Variants in MAGED2 observed in about 807,000 individuals in gnomAD.
MAGED2 encodes MAGE family member D2, also known as melanoma-associated antigen D2.
Under a neutral mutation model 41.7 loss-of-function variants are expected in MAGED2, and 6 were observed. The ratio of observed to expected loss-of-function variants is 0.14; its 90% confidence interval spans 0.08 to 0.28. MAGED2 has a LOEUF of 0.28. MAGED2 is among the 10% of genes least tolerant of loss of function. MAGED2 has a pLI of 1.00. For synonymous variants in MAGED2, 146 were observed against 178.2 expected, an observed-to-expected ratio of 0.82 and a Z score of 1.44; for missense variants, 343 against 486.4, an observed-to-expected ratio of 0.71 and a Z score of 2.77.
chrX:54,813,634 C>A, intron 10 of MAGED2, 84 bp downstream of exon 10: 1 of 790,590 alleles, frequency 1.3e-6, no homozygotes, highest in Non-Finnish European at 1.9e-6. Flanking sequence ...TGCATGGATG[C>A]ATGTGTCTAT....
At position 54,815,406 on chromosome X, in the gene MAGED2, C is replaced by T. The variant is rs149849605; in HGVS notation, c.1545C>T (p.Pro515=). ...TCGGCTCGGAGAATGCTGCCGGGCC[C>T]TGCAACTGGGACGAAGCTGATATCG... ...IGLGSENAAG[P]CNWDEADIGP... Residue 515 remains proline, a synonymous_variant, in exon 12 of 13, where the codon CCC becomes CCT. Coordinates refer to ENST00000375068, the MANE Select transcript of MAGED2 (RefSeq NM_177433.3). 1.1e-5 allele frequency: 13 copies of T among 1,208,632 alleles called. No individual in the cohort carries two copies. In the African/African-American group the frequency reaches 2.1e-4, roughly 19 times the overall value.
rs762234374 is a variant in MAGED2, at chrX:54,812,356, CAG to C, written c.1085+106_1085+107del. On this transcript the variant is annotated intron_variant, in intron 7 of 12. Transcript: ENST00000375068. ...CATCCTCTTAGAGAGTCAGGAAAGA[CAG>C]GGTCTCAAAAGCCCCGTCCCAGTTC... 8.1e-5 allele frequency: 40 copies of C among 493,480 alleles called. No homozygotes were observed. The African/African-American group carries it at 8.7e-4, about 11-fold the overall frequency. 40.7% of individuals were successfully genotyped at this position (493,480 alleles called of 1,213,427 possible).
Position 54,809,722 on chromosome X carries a change from G to T in MAGED2, c.46G>T (p.Ala16Ser). 1 of 1,195,512 alleles carries T rather than the reference G, an allele frequency of 8.4e-7. No homozygotes were observed. The highest frequency in any genetic ancestry group is 1.8e-5 in the South Asian group (1 of 55,331). Residue 16 changes from alanine to serine, a missense_variant and splice_region_variant, in exon 3 of 13, where the codon GCT becomes TCT. Around this residue, in one of 3 missense-constraint regions of MAGED2, gnomAD observed 195 missense variants for 221.2 expected, o/e 0.88. Transcript: ENST00000375068. ...ESGAGLTRFQ[A>S]EASEKDSSSM... Reference sequence around the variant, plus strand: ...TGAACTTCCCTGCTTCCTCTTGCAGGCTGAAGCTTCAGAAAAGGACAGTAG... The same window carrying T: ...TGAACTTCCCTGCTTCCTCTTGCAGTCTGAAGCTTCAGAAAAGGACAGTAG...
At chrX:54,813,635 A>G (rs752499513) in intron 10 of MAGED2, 85 bp downstream of exon 10, 9 of 743,627 alleles carry the variant, frequency 1.2e-5, no homozygotes, top group African/African-American at 2.1e-5. Flanking sequence ...GCATGGATGC[A>G]TGTGTCTATG....
At chrX:54,812,335 C>T (rs1280887320) in intron 7 of MAGED2, 84 bp downstream of exon 7, 7 of 565,406 alleles carry the variant, frequency 1.2e-5, no homozygotes, top group Non-Finnish European at 2.0e-5. Flanking sequence ...TTCCCCCATC[C>T]TCTTAGAGAG....
intron 3 of MAGED2, 84 bp from the exon 4 acceptor site, chrX:54,810,737 C>T (rs1244583143): frequency 8.6e-5 from 70 of 815,113 alleles, no homozygotes; most frequent in Non-Finnish European, 1.1e-4. Context: ...GTGGGATTAG[C>T]GGGTGCTTCC....
intron 10 of MAGED2, among the ~76,000 whole-genome samples, chrX:54,813,767 C>G (rs1483358658): frequency 1.8e-5 from 2 of 111,992 alleles, no homozygotes; most frequent in African/African-American, 6.5e-5. Context: ...GTCTTGAGAC[C>G]AGTTCTGCAA....
At position 54,809,325 on chromosome X, in the gene MAGED2, T is replaced by C. The variant is rs765553866; in HGVS notation, c.-7T>C. The C allele has an allele frequency of 5.8e-6, 7 of 1,209,134 alleles. No homozygotes were observed. Among genetic ancestry groups the C allele is most frequent in the Non-Finnish European group, 7.8e-6 (7 of 894,726 alleles). On this transcript the variant is annotated 5_prime_UTR_variant, in exon 2 of 13. Coordinates refer to ENST00000375068, the MANE Select transcript of MAGED2 (RefSeq NM_177433.3). ...CAGGCTCAGCTCTTGCCAGGCCAAA[T>C]TGAGACATGTCTGACACAAGCGAGA... is the stretch of plus-strand genomic sequence containing the variant.
chrX:54,810,274 T>C, intron 3 of MAGED2, 61 bp downstream of exon 3: 3 of 733,105 alleles, frequency 4.1e-6, no homozygotes, highest in South Asian at 3.0e-5. Flanking sequence ...ATTCATTTGT[T>C]CTACAAACAT....
chrX:54,812,068 A>G (rs1002669895), intron 6 of MAGED2, 89 bp from the exon 7 acceptor site: 3 of 542,130 alleles, frequency 5.5e-6, no homozygotes, highest in African/African-American at 2.3e-5. Context: ...GATTTCTCAC[A>G]CATGCGAAAC....
intron 6 of MAGED2, 148 bp downstream of exon 6, chrX:54,811,801 A>G: frequency 4.2e-6 from 2 of 476,468 alleles, no homozygotes; most frequent in Non-Finnish European, 7.4e-6. Flanking sequence ...GGAGGGGTGT[A>G]GATTAGCGAT....
In MAGED2 at chrX:54,815,642, C is replaced by T; in HGVS notation, c.1781C>T (p.Thr594Ile). 1 of 1,166,065 alleles carries T rather than the reference C, an allele frequency of 8.6e-7. No individual in the cohort carries two copies. Among genetic ancestry groups the T allele is most frequent in the African/African-American group, 1.8e-5 (1 of 56,297 alleles). ...GGCCTTGGTGGAGCTGGTGCCAGCA[C>T]CAGTGGCAGCTCTGGTGCCTGTGGT... ...FAGLGGAGASTSGSSGACGFS... is the reference protein window; with the variant it reads ...FAGLGGAGASISGSSGACGFS... The change falls in exon 12 of 13, where the codon ACC (threonine) becomes ATC (isoleucine). Residue 594 changes from threonine to isoleucine, a missense_variant. Transcript: ENST00000375068.
Position 54,811,095 on chromosome X carries a change from C to T in MAGED2, c.812C>T (p.Pro271Leu), listed in dbSNP as rs1440107209. Residue 271 changes from proline to leucine, a missense_variant, in exon 4 of 13, where the codon CCA (proline) becomes CTA (leucine). Pro to Leu is a moderately conservative substitution (Grantham distance 98). Transcript: ENST00000375068. The part of the protein sequence containing the change: ...KLQSSQEPEA[P>L]PPRDVALLQG... Reference sequence around the variant, plus strand: ...CAGTCATCCCAAGAGCCTGAAGCACCACCACCTCGGGATGTGGCCCTTTTG... The same window carrying T: ...CAGTCATCCCAAGAGCCTGAAGCACTACCACCTCGGGATGTGGCCCTTTTG... The T allele has an allele frequency of 3.3e-6, 4 of 1,196,660 alleles. No homozygotes were observed. The highest frequency in any genetic ancestry group is 4.5e-5 in the Admixed American group (2 of 44,178).
chrX:54,815,183 T>C, intron 11 of MAGED2, 65 bp from the exon 12 acceptor site: 1 of 1,121,198 alleles, frequency 8.9e-7, no homozygotes, highest in Middle Eastern at 2.5e-4. Flanking sequence ...ATTTACATAG[T>C]AATACTGTAT....
rs375905024 is a variant in MAGED2 at position 54,813,114 on chromosome X, G to A, written c.1166-4G>A. 10 of 1,210,298 alleles carry A rather than the reference G, an allele frequency of 8.3e-6. No homozygotes were observed. The African/African-American group carries it at 1.2e-4, about 15-fold the overall frequency. ...TCCCTGTCTCCTCTTGCCTCCCCTC[G>A]CAGCTGTCATCTGGGAGGTGCTGCG... is the stretch of plus-strand genomic sequence containing the variant. On this transcript the variant is annotated splice_region_variant and splice_polypyrimidine_tract_variant and intron_variant, in intron 8 of 12. Transcript: ENST00000375068.
intron 10 of MAGED2, chrX:54,814,320 G>A (rs575921982): frequency 1.3e-4 from 51 of 406,697 alleles, no homozygotes; most frequent in Admixed American, 1.2e-3. Flanking sequence ...GTCATTTTCT[G>A]TGGTGGACCT....
At chrX:54,815,173 A>G in intron 11 of MAGED2, 75 bp from the exon 12 acceptor site, 1 of 1,107,657 alleles carries the variant, frequency 9.0e-7, no homozygotes, top group Non-Finnish European at 1.2e-6. Context: ...TCTGATGGTT[A>G]TTTACATAGT....
intron 12 of MAGED2, 61 bp downstream of exon 12, chrX:54,815,751 A>T: frequency 1.3e-5 from 11 of 836,508 alleles, no homozygotes; most frequent in Non-Finnish European, 1.8e-5. Context: ...GAGGAGCTGG[A>T]TGATTCTAGG....
chrX:54,814,669 A>T lies in MAGED2; in HGVS notation c.1280A>T (p.Asp427Val). 1 of 1,192,064 alleles carries T rather than the reference A, an allele frequency of 8.4e-7. No homozygotes were observed. Among genetic ancestry groups the T allele is most frequent in the Non-Finnish European group, 1.1e-6 (1 of 877,355 alleles). Residue 427 changes from aspartate (D) to valine (V), a missense_variant, in exon 11 of 13, where the codon GAC becomes GTC. Asp to Val is a radical substitution (Grantham distance 152). Coordinates refer to ENST00000375068, the MANE Select transcript of MAGED2 (RefSeq NM_177433.3). ...GAACCTCTCTTTCCAAGGTACCTGGACTATGCCAGAGTCCCCAATAGCAAT... is the reference window on the plus strand; with the variant it reads ...GAACCTCTCTTTCCAAGGTACCTGGTCTATGCCAGAGTCCCCAATAGCAAT... ...TDEFVKQKYL[D>V]YARVPNSNPP...
Sources: gnomAD v4.1 joint callset for allele counts (sites outside exome capture counted in the v4.1 genomes callset) on GRCh38, gnomAD v4.1.1 for gene constraint, gnomAD v4.1.1 regional missense constraint, MANE v1.5 for transcripts, NCBI Gene and HGNC (gene_info 2026-07-23, HGNC 2026-07-21) for gene names.